Variants in DAB1 observed in about 807,000 individuals in gnomAD.
The protein encoded by DAB1 is disabled homolog 1.
Under a neutral mutation model 64.6 loss-of-function variants are expected in DAB1, and 15 were observed. That is an observed-to-expected ratio of 0.23 (90% confidence interval 0.16 to 0.36). The LOEUF is 0.36. Among genes scored for constraint, DAB1 ranks in the 10% least tolerant of loss-of-function variants. DAB1 has a pLI of 1.00. For missense variants in DAB1, 596 were observed against 706.7 expected (o/e 0.84, Z 1.78); for synonymous variants, 235 against 251.9 (o/e 0.93, Z 0.64).
intron 4 of DAB1, among the ~76,000 whole-genome samples, chr1:57,099,917 G>T (rs559831): frequency 0.61 from 93,309 of 152,120 alleles, 29,187 homozygotes; most frequent in East Asian, 0.85. Context: ...CCTTAACTGG[G>T]GGTCTAAGAA....
At chr1:58,151,615 G>C (rs1351991257) in intron 4 of DAB1, among the ~76,000 whole-genome samples, 1 of 152,216 alleles carries the variant, frequency 6.6e-6, no homozygotes, top group Non-Finnish European at 1.5e-5. Context: ...TATCTTAACA[G>C]TGGCTGCCCT....
chr1:57,402,450 C>T (rs1683322094), intron 1 of DAB1, among the ~76,000 whole-genome samples: 1 of 152,060 alleles, frequency 6.6e-6, no homozygotes, highest in African/African-American at 2.4e-5. Flanking sequence ...GCAGTGAGTC[C>T]TTTTTTGTAA....
chr1:57,751,713 C>T (rs1390488381), intron 6 of DAB1, among the ~76,000 whole-genome samples: 4 of 151,956 alleles, frequency 2.6e-5, no homozygotes, highest in South Asian at 2.1e-4. Context: ...GGACAATTAT[C>T]GGGGGCAGTT....
At chr1:57,801,083 C>T (rs561981163) in intron 6 of DAB1, among the ~76,000 whole-genome samples, 2 of 152,176 alleles carry the variant, frequency 1.3e-5, no homozygotes, top group Non-Finnish European at 2.9e-5. Context: ...CAAAACACAA[C>T]ATCAAGACAT....
intron 6 of DAB1, among the ~76,000 whole-genome samples, chr1:57,668,041 AT>A (rs199665325): frequency 6.6e-6 from 1 of 150,476 alleles, no homozygotes; most frequent in Non-Finnish European, 1.5e-5. Context: ...TTAAAAAAAA[AT>A]TTTTAAAAAG....
intron 6 of DAB1, among the ~76,000 whole-genome samples, chr1:57,801,873 G>T (rs1651143376): frequency 6.6e-6 from 1 of 152,124 alleles, no homozygotes; most frequent in Non-Finnish European, 1.5e-5. Flanking sequence ...GCCCAGACTG[G>T]TCTCAAACTC....
chr1:57,382,164 C>T (rs1681436973), intron 1 of DAB1, among the ~76,000 whole-genome samples: 2 of 152,164 alleles, frequency 1.3e-5, no homozygotes, highest in Non-Finnish European at 2.9e-5. Flanking sequence ...TTACCGTGTG[C>T]TGTTGGGAAG....
chr1:57,520,893 AAG>A (rs1428365358), intron 7 of DAB1, among the ~76,000 whole-genome samples: 1 of 152,028 alleles, frequency 6.6e-6, no homozygotes, highest in Non-Finnish European at 1.5e-5. Flanking sequence ...CAGGAAAAAA[AAG>A]AGAGGGAGCA....
chr1:58,282,196 C>G (rs1226938382), intron 4 of DAB1, among the ~76,000 whole-genome samples: 1 of 152,208 alleles, frequency 6.6e-6, no homozygotes, highest in African/African-American at 2.4e-5. Flanking sequence ...CCCAGAGAAG[C>G]CTTCCCTGAG....
intron 1 of DAB1, chr1:58,539,015 T>C: frequency 1.1e-6 from 1 of 872,892 alleles, no homozygotes; most frequent in Non-Finnish European, 2.0e-6. Flanking sequence ...CATTTGCTGG[T>C]AATCCTCCAA....
At chr1:58,129,192 G>GT (rs1653348469) in intron 5 of DAB1, among the ~76,000 whole-genome samples, 1 of 151,342 alleles carries the variant, frequency 6.6e-6, no homozygotes, top group African/African-American at 2.4e-5. Flanking sequence ...TTGGGAGACT[G>GT]TATGTGTCCA....
intron 4 of DAB1, among the ~76,000 whole-genome samples, chr1:58,252,232 G>C (rs556333767): frequency 1.3e-5 from 2 of 152,248 alleles, no homozygotes; most frequent in African/African-American, 4.8e-5. Flanking sequence ...GACCAGGCAG[G>C]GGTTGCCTGT....
intron 2 of DAB1, among the ~76,000 whole-genome samples, chr1:57,191,283 G>A (rs142709762): frequency 8.5e-5 from 13 of 152,216 alleles, no homozygotes; most frequent in South Asian, 8.3e-4. Flanking sequence ...ATATGGAGAC[G>A]CCCACACCTG....
At chr1:58,106,064 G>T (rs547153616) in intron 5 of DAB1, among the ~76,000 whole-genome samples, 46 of 148,454 alleles carry the variant, frequency 3.1e-4, no homozygotes, top group Non-Finnish European at 5.3e-4. Context: ...TTGTTGTTTT[G>T]GTTTTTTGTT....
intron 6 of DAB1, among the ~76,000 whole-genome samples, chr1:57,696,691 C>T (rs1018054598): frequency 6.6e-6 from 1 of 152,032 alleles, no homozygotes; most frequent in Non-Finnish European, 1.5e-5. Flanking sequence ...TGCCACTGTC[C>T]CCTATGTACT....
intron 7 of DAB1, among the ~76,000 whole-genome samples, chr1:57,585,576 T>TC (rs1645369318): frequency 2.0e-5 from 3 of 152,160 alleles, no homozygotes; most frequent in African/African-American, 7.2e-5. Context: ...TCCCAATCAC[T>TC]CCCCTTTGTC....
chr1:57,985,930 T>G (rs1179303014), intron 5 of DAB1, among the ~76,000 whole-genome samples: 1 of 152,184 alleles, frequency 6.6e-6, no homozygotes, highest in Non-Finnish European at 1.5e-5. Flanking sequence ...TCAGGATGTT[T>G]TATCCTAACA....
intron 1 of DAB1, among the ~76,000 whole-genome samples, chr1:57,318,825 T>C (rs1182830032): frequency 1.3e-5 from 2 of 151,986 alleles, no homozygotes; most frequent in African/African-American, 2.4e-5. Flanking sequence ...TGTTACGTTG[T>C]GGTTTCACAT....
Position 57,553,438 on chromosome 1 carries a change from G to GAA in DAB1, n.625+96152_625+96153dup, listed in dbSNP as rs1309784106. On this transcript the variant is annotated intron_variant and non_coding_transcript_variant, in intron 7 of 20. Coordinates refer to the DAB1 transcript ENST00000485760. ...AGAAAGAAAGAAAGAAAGAAAGAAAGAAAGAGAAAGAAAGAAAGAAAGAGA... is the reference window on the plus strand; with the variant it reads ...AGAAAGAAAGAAAGAAAGAAAGAAAGAAAAAGAGAAAGAAAGAAAGAAAGAGA... Among the ~76,000 whole-genome samples, 117 of 14,186 alleles carry GAA rather than the reference G, an allele frequency of 8.2e-3. 6 individuals are homozygous for GAA. The East Asian group carries it at 0.14, about 17-fold the overall frequency. The allele number at this position is 14,186 out of a possible 152,430, so 9.3% of individuals were successfully genotyped here. A position where few individuals can be genotyped will look rare whatever the true frequency, so the allele number is the denominator to read the frequency against.
Sources: allele counts gnomAD v4.1 joint callset (sites outside exome capture counted in the v4.1 genomes callset), GRCh38; gene constraint gnomAD v4.1.1; transcripts MANE v1.5; gene names NCBI Gene and HGNC (gene_info 2026-07-23, HGNC 2026-07-21).